Variants in NRF1 observed in about 807,000 individuals in gnomAD.
NRF1 encodes the protein alpha palindromic-binding protein.
Under a neutral mutation model 58.5 loss-of-function variants are expected in NRF1, and 5 were observed. The observed-to-expected ratio is 0.09, with a 90% CI of 0.04 to 0.18. The LOEUF is 0.18. Ranked by LOEUF, NRF1 falls within the 10% of genes least tolerant of loss-of-function variation. The pLI is 1.00. For synonymous variants in NRF1, 224 were observed against 246.7 expected (o/e 0.91, Z 0.86); for missense variants, 288 against 657.7 (o/e 0.44, Z 6.15).
intron 10 of NRF1, among the ~76,000 whole-genome samples, chr7:129,739,271 C>T (rs1469258079): frequency 6.6e-6 from 1 of 152,180 alleles, no homozygotes; most frequent in Non-Finnish European, 1.5e-5. Flanking sequence ...CCCTGAGATA[C>T]TGAATTTTTA....
intron 10 of NRF1, among the ~76,000 whole-genome samples, chr7:129,749,809 T>C (rs1394407216): frequency 6.6e-6 from 1 of 152,098 alleles, no homozygotes; most frequent in Non-Finnish European, 1.5e-5. Context: ...CAGTCCTCCT[T>C]TGATCTGTGT....
chr7:129,666,565 T>A (rs1285345594), intron 2 of NRF1, among the ~76,000 whole-genome samples: 4 of 152,240 alleles, frequency 2.6e-5, no homozygotes, highest in African/African-American at 4.8e-5. Context: ...GGAGTTTCAC[T>A]CTGTTGCCCT....
At chr7:129,716,825 G>A (rs889046626) in intron 8 of NRF1, among the ~76,000 whole-genome samples, 29 of 151,250 alleles carry the variant, frequency 1.9e-4, no homozygotes, top group East Asian at 7.8e-4. Context: ...AGCCAAGATC[G>A]TGCCATTGCA....
chr7:129,633,905 A>G (rs1801106763), intron 1 of NRF1: 1 of 151,460 alleles, frequency 6.6e-6, no homozygotes, highest in African/African-American at 2.4e-5. Context: ...GAAAGTATTC[A>G]GCATTATATA....
chr7:129,748,716 A>T (rs1804041613), intron 10 of NRF1, among the ~76,000 whole-genome samples: 1 of 152,260 alleles, frequency 6.6e-6, no homozygotes, highest in South Asian at 2.1e-4. Context: ...ATATTTTAAG[A>T]TGTTAACCAT....
intron 5 of NRF1, among the ~76,000 whole-genome samples, chr7:129,707,067 C>T (rs1003123919): frequency 6.6e-6 from 1 of 152,144 alleles, no homozygotes; most frequent in Non-Finnish European, 1.5e-5. Flanking sequence ...CATCATGGCT[C>T]ACTGCATCCT....
At chr7:129,617,151 A>G (rs1476415891) in intron 1 of NRF1, among the ~76,000 whole-genome samples, 1 of 152,192 alleles carries the variant, frequency 6.6e-6, no homozygotes, top group Non-Finnish European at 1.5e-5. Flanking sequence ...GCCTGTTGGG[A>G]TAAACTATGC....
At chr7:129,668,192 T>G (rs1801964796) in intron 2 of NRF1, among the ~76,000 whole-genome samples, 1 of 152,214 alleles carries the variant, frequency 6.6e-6, no homozygotes, top group Admixed American at 6.5e-5. Context: ...CCCATACTTT[T>G]TTTTATCTTT....
At chr7:129,754,923 G>A (rs997306803) in intron 10 of NRF1, 95 bp from the exon 11 acceptor site, 5 of 1,295,930 alleles carry the variant, frequency 3.9e-6, no homozygotes, top group African/African-American at 3.0e-5. Context: ...TGGTGACCAC[G>A]ATACCTCAAA....
chr7:129,662,760 A>T (rs900626418), intron 2 of NRF1, among the ~76,000 whole-genome samples: 54 of 151,972 alleles, frequency 3.6e-4, no homozygotes, highest in Admixed American at 6.6e-4. Flanking sequence ...TTATTTATTT[A>T]TTTATTTTAG....
intron 3 of NRF1, among the ~76,000 whole-genome samples, chr7:129,676,213 T>C (rs921709256): frequency 1.3e-5 from 2 of 152,256 alleles, no homozygotes; most frequent in African/African-American, 4.8e-5. Flanking sequence ...ACTGTTTTGC[T>C]TTCTTATCAT....
At chr7:129,667,683 A>C (rs903616582) in intron 2 of NRF1, among the ~76,000 whole-genome samples, 10 of 151,486 alleles carry the variant, frequency 6.6e-5, no homozygotes, top group African/African-American at 2.2e-4. Flanking sequence ...GACTTTATAA[A>C]ATATTCTATA....
chr7:129,639,542 AC>A (rs1308052159), intron 1 of NRF1, among the ~76,000 whole-genome samples: 2 of 112,416 alleles, frequency 1.8e-5, no homozygotes, highest in Non-Finnish European at 3.6e-5. Context: ...TGTCCCCACA[AC>A]CCTTTTTTTT....
At chr7:129,754,947 T>C in intron 10 of NRF1, 71 bp from the exon 11 acceptor site, 1 of 1,439,816 alleles carries the variant, frequency 6.9e-7, no homozygotes, top group Non-Finnish European at 9.2e-7. Context: ...AAGACTTGGG[T>C]GCCCCCGTCC....
chr7:129,695,469 G>A (rs995350213), intron 5 of NRF1, among the ~76,000 whole-genome samples: 4 of 151,830 alleles, frequency 2.6e-5, no homozygotes, highest in Admixed American at 1.3e-4. Flanking sequence ...CCAGCTACTC[G>A]GGAGGCTGAG....
chr7:129,613,892 G>T (rs948836862), intron 1 of NRF1, among the ~76,000 whole-genome samples: 2 of 152,028 alleles, frequency 1.3e-5, no homozygotes, highest in Admixed American at 6.6e-5. Flanking sequence ...TTGCACTCCA[G>T]CCCGGGGGAC....
intron 2 of NRF1, among the ~76,000 whole-genome samples, chr7:129,659,036 G>A (rs1757353492): frequency 6.8e-6 from 1 of 147,210 alleles, no homozygotes; most frequent in East Asian, 2.0e-4. Context: ...ATCTCAAGAG[G>A]ATTTGAAGGG....
intron 10 of NRF1, among the ~76,000 whole-genome samples, chr7:129,730,375 T>A (rs1005833208): frequency 6.6e-6 from 1 of 152,072 alleles, no homozygotes; most frequent in Non-Finnish European, 1.5e-5. Context: ...AAGAACCAGA[T>A]GATAGCAGAA....
intron 1 of NRF1, among the ~76,000 whole-genome samples, chr7:129,616,883 A>G (rs1391615165): frequency 6.6e-6 from 1 of 152,158 alleles, no homozygotes; most frequent in African/African-American, 2.4e-5. Context: ...GGGTAAAGAG[A>G]AGATGATACT....
Sources: gnomAD v4.1 joint callset for allele counts (sites outside exome capture counted in the v4.1 genomes callset) on GRCh38, gnomAD v4.1.1 for gene constraint, MANE v1.5 for transcripts, NCBI Gene and HGNC (gene_info 2026-07-23, HGNC 2026-07-21) for gene names.